Variants in NFIB observed in about 807,000 individuals in gnomAD.
NFIB encodes nuclear factor 1 B-type.
In NFIB, 11 loss-of-function variants were observed where a neutral mutation model predicts 61.5. The ratio of observed to expected loss-of-function variants is 0.18; its 90% CI spans 0.11 to 0.30. The LOEUF (loss-of-function observed/expected upper bound fraction) is 0.30, where lower values mean the gene tolerates loss of function less well. Among genes scored for constraint, NFIB ranks in the 10% least tolerant of loss-of-function variants. The pLI is 1.00. For missense variants in NFIB, 471 were observed against 608.9 expected, an observed-to-expected ratio of 0.77 and a Z score of 2.38; for synonymous variants, 260 against 216.5, an observed-to-expected ratio of 1.20 and a Z score of -1.76.
At chr9:14,314,555 C>G (rs2060449734), upstream of NFIB, 1 of 152,146 alleles carries the variant, frequency 6.6e-6, no homozygotes. Context: ...GAAAAATTCA[C>G]CGGTTCCACC....
At chr9:14,504,211 G>C in the NFIB span, among the ~76,000 whole-genome samples, 1 of 152,178 alleles carries the variant, frequency 6.6e-6, no homozygotes, top group Non-Finnish European at 1.5e-5. Context: ...CCAGTACCAT[G>C]ATGTTTTGGT....
chr9:14,471,353 G>A, the NFIB span, among the ~76,000 whole-genome samples: 1 of 152,166 alleles, frequency 6.6e-6, no homozygotes, highest in Non-Finnish European at 1.5e-5. Context: ...AATCACTGTT[G>A]TCCTGTGCCT....
At chr9:14,494,429 C>T in the NFIB span, among the ~76,000 whole-genome samples, 1 of 152,174 alleles carries the variant, frequency 6.6e-6, no homozygotes, top group African/African-American at 2.4e-5. Context: ...CTATTTTCCA[C>T]CAGCACTGTA....
chr9:14,398,775 G>C (rs775368562), exon 1 of NFIB: 97 of 584,298 alleles, frequency 1.7e-4, no homozygotes, highest in Non-Finnish European at 2.6e-4. Flanking sequence ...AAGAGTTTGA[G>C]GGTGACTGAT....
the NFIB span, among the ~76,000 whole-genome samples, chr9:14,484,833 A>G: frequency 1.3e-5 from 2 of 152,234 alleles, no homozygotes; most frequent in African/African-American, 2.4e-5. Context: ...TCAAGCTGCT[A>G]TAACAAAATA....
chr9:14,143,991 A>AGTGTGTGTGGGTGTGTGT (rs2042020744), intron 6 of NFIB, among the ~76,000 whole-genome samples: 1 of 134,150 alleles, frequency 7.5e-6, no homozygotes. Context: ...AAAGTGACAG[A>AGTGTGTGTGGGTGTGTGT]GTGTGTGTGT....
intron 2 of NFIB, among the ~76,000 whole-genome samples, chr9:14,200,395 T>A (rs567518302): frequency 6.6e-6 from 1 of 152,294 alleles, no homozygotes; most frequent in African/African-American, 2.4e-5. Context: ...GACCAAGGAA[T>A]AAAACACAAT....
intron 2 of NFIB, among the ~76,000 whole-genome samples, chr9:14,237,569 C>T (rs2053868773): frequency 6.6e-6 from 1 of 152,152 alleles, no homozygotes; most frequent in Admixed American, 6.5e-5. Context: ...AATCAGACTT[C>T]CCAACATGCT....
the NFIB span, among the ~76,000 whole-genome samples, chr9:14,498,393 T>C: frequency 6.6e-6 from 1 of 152,210 alleles, no homozygotes; most frequent in Non-Finnish European, 1.5e-5. Flanking sequence ...TCTGGAGTGA[T>C]TCCAACTGTC....
At chr9:14,123,131 C>T (rs1369360912) in intron 7 of NFIB, among the ~76,000 whole-genome samples, 1 of 151,638 alleles carries the variant, frequency 6.6e-6, no homozygotes, top group Non-Finnish European at 1.5e-5. Context: ...GTGGTGAGTG[C>T]CTGTAATCCC....
intron 2 of NFIB, among the ~76,000 whole-genome samples, chr9:14,277,346 C>CG (rs2132394309): frequency 6.8e-6 from 1 of 146,546 alleles, no homozygotes; most frequent in African/African-American, 2.6e-5. Flanking sequence ...CACACACAGA[C>CG]ACACACACAC....
intron 3 of NFIB, among the ~76,000 whole-genome samples, chr9:14,179,495 CA>C (rs1416845764): frequency 2.6e-5 from 4 of 152,090 alleles, no homozygotes; most frequent in Non-Finnish European, 5.9e-5. Context: ...TATTTATTTT[CA>C]AAGAAACACC....
chr9:14,121,456 C>T (rs779234097), intron 7 of NFIB, among the ~76,000 whole-genome samples: 5 of 152,178 alleles, frequency 3.3e-5, no homozygotes, highest in Non-Finnish European at 7.3e-5. Flanking sequence ...GTACATCCTA[C>T]CTGGCAATTG....
the NFIB span, among the ~76,000 whole-genome samples, chr9:14,477,494 T>C: frequency 6.6e-6 from 1 of 152,156 alleles, no homozygotes; most frequent in Non-Finnish European, 1.5e-5. Context: ...ATTTAAACTA[T>C]CATGCCGAGT....
the NFIB span, among the ~76,000 whole-genome samples, chr9:14,478,555 A>T: frequency 1.3e-5 from 2 of 152,348 alleles, no homozygotes; most frequent in Admixed American, 1.3e-4. Context: ...GGGTATTGTT[A>T]TATTTTACAA....
intron 2 of NFIB, among the ~76,000 whole-genome samples, chr9:14,247,729 C>G (rs1342672613): frequency 6.6e-6 from 1 of 152,160 alleles, no homozygotes; most frequent in African/African-American, 2.4e-5. Flanking sequence ...TACAGAAGTA[C>G]ATGGCCCACT....
the NFIB span, among the ~76,000 whole-genome samples, chr9:14,452,447 GAAAGGAAAGGAAAGGAAAGGA>G: frequency 7.9e-6 from 1 of 126,000 alleles, no homozygotes; most frequent in Admixed American, 8.1e-5. Context: ...GGAAGGAAAG[GAAAGGAAAGGAAAGGAAAGGA>G]AAGGAAAGGA....
chr9:14,393,330 T>C (rs2061647428), intron 1 of NFIB, among the ~76,000 whole-genome samples: 1 of 152,196 alleles, frequency 6.6e-6, no homozygotes, highest in South Asian at 2.1e-4. Context: ...CTCACCACAA[T>C]ATCTCCATGT....
intron 1 of NFIB, among the ~76,000 whole-genome samples, chr9:14,386,929 T>A (rs569986752): frequency 6.6e-6 from 1 of 152,344 alleles, no homozygotes; most frequent in East Asian, 1.9e-4. Context: ...GGTTGCATTT[T>A]TAATTGCAAG....
Sources: gnomAD v4.1 joint callset for allele counts (sites outside exome capture counted in the v4.1 genomes callset) on GRCh38, gnomAD v4.1.1 for gene constraint, MANE v1.5 for transcripts, NCBI Gene and HGNC (gene_info 2026-07-23, HGNC 2026-07-21) for gene names.